Variants in CCNJL observed in about 807,000 individuals in gnomAD.
The protein encoded by CCNJL is cyclin J like.
Under a neutral mutation model 33.4 loss-of-function variants are expected in CCNJL, and 33 were observed. That is an observed-to-expected ratio of 0.99 (90% confidence interval 0.75 to 1.32). CCNJL has a LOEUF of 1.32. Among genes scored for constraint, CCNJL ranks in the 40% most tolerant of loss-of-function variants. The pLI, the probability that CCNJL is intolerant of heterozygous loss-of-function variation, is 0.00. For missense variants in CCNJL, 512 were observed against 499.7 expected, an observed-to-expected ratio of 1.02 and a Z score of -0.23; for synonymous variants, 227 against 220.9, an observed-to-expected ratio of 1.03 and a Z score of -0.24.
At position 160,259,767 on chromosome 5, in the gene CCNJL, C is replaced by G. The variant is rs1205538794; in HGVS notation, c.285G>C (p.Lys95Asn). ...VAVSCLLLAS[K>N]FEDREDHVPK... ...GGACGTGGTCTTCCCGATCCTCGAACTTACCTGTCGGGGAGCAGGGGAAGC... is the reference window on the plus strand; with the variant it reads ...GGACGTGGTCTTCCCGATCCTCGAAGTTACCTGTCGGGGAGCAGGGGAAGC... The change falls in exon 4 of 6, where the codon AAG becomes AAC. Residue 95 changes from lysine to asparagine, a missense_variant. Lys to Asn is a moderately conservative substitution (Grantham distance 94, BLOSUM62 0). Transcript: ENST00000257536. 1.9e-6 allele frequency: 3 copies of G among 1,604,360 alleles called. No homozygotes were observed. The highest frequency in any genetic ancestry group is 1.7e-5 in the Admixed American group (1 of 59,574).
At chr5:160,304,822 C>CTTTT (rs10658968) in intron 2 of CCNJL, among the ~76,000 whole-genome samples, 66,787 of 145,894 alleles carry the variant, frequency 0.46, 15,793 homozygotes, top group African/African-American at 0.6. Context: ...TACTTTCTTT[C>CTTTT]TTTTTTTTTT....
At chr5:160,315,770 A>T (rs1034692857), upstream of CCNJL, among the ~76,000 whole-genome samples, 1 of 152,228 alleles carries the variant, frequency 6.6e-6, no homozygotes, top group African/African-American at 2.4e-5. Flanking sequence ...TTACTTTAAA[A>T]TAATCACATG....
At chr5:160,310,804 T>C (rs1403031375) in intron 2 of CCNJL, among the ~76,000 whole-genome samples, 5 of 152,132 alleles carry the variant, frequency 3.3e-5, no homozygotes, top group Non-Finnish European at 7.4e-5. Flanking sequence ...ACTGGAATGA[T>C]GTACCTACAA....
chr5:160,315,904 A>G (rs1219766434), upstream of CCNJL, among the ~76,000 whole-genome samples: 4 of 152,192 alleles, frequency 2.6e-5, no homozygotes, highest in Admixed American at 6.5e-5. Context: ...ACATTGAAAG[A>G]AGACAGGCCT....
intron 3 of CCNJL, among the ~76,000 whole-genome samples, chr5:160,275,614 A>G (rs2113327213): frequency 6.6e-6 from 1 of 152,246 alleles, no homozygotes; most frequent in Middle Eastern, 3.4e-3. Flanking sequence ...CCTCCCAAGT[A>G]GCGGGGACTA....
At chr5:160,266,504 C>G (rs986423310) in intron 3 of CCNJL, among the ~76,000 whole-genome samples, 1 of 152,156 alleles carries the variant, frequency 6.6e-6, no homozygotes, top group African/African-American at 2.4e-5. Flanking sequence ...TGTCCTGGAG[C>G]AGGGGCAGGG....
Position 160,253,273 on chromosome 5 carries a change from CTT to C in CCNJL, c.*103_*104del, listed in dbSNP as rs1467708592. 8.6e-7 allele frequency: 1 copy of C among 1,162,526 alleles called. No individual in the cohort carries two copies. The highest frequency in any genetic ancestry group is 1.5e-5 in the African/African-American group (1 of 64,924). The allele number at this position is 1,162,526 out of a possible 1,614,324, so 72.0% of individuals were successfully genotyped here. On this transcript the variant is annotated 3_prime_UTR_variant, in exon 6 of 6. Coordinates refer to ENST00000257536, the MANE Select transcript of CCNJL (RefSeq NM_001308173.3). ...CACAGACCCTCCACGTTCCAAGGCT[CTT>C]CAGGGATGGCCTCCTGCTGCCTCAC...
rs777446144 is a variant in CCNJL at position 160,280,588 on chromosome 5, G to A, written c.217C>T (p.Arg73Cys). 3.1e-6 allele frequency: 5 copies of A among 1,612,972 alleles called. No homozygotes were observed. The highest frequency in any genetic ancestry group is 1.7e-5 in the Admixed American group (1 of 59,968). The change falls in exon 3 of 6, where the codon CGC (arginine) becomes TGC (cysteine). Residue 73 changes from arginine to cysteine, a missense_variant. Physicochemically the swap from Arg to Cys is radical, Grantham distance 180. Transcript: ENST00000257536. ...AVYLLDHFMD[R>C]YNVTTSKQLY... is the part of the protein sequence containing the mutation. ...TGCTTGGAGGTGGTGACGTTGTAGC[G>A]ATCCATGAAGTGGTCCAGCAGGTAG...
intron 3 of CCNJL, among the ~76,000 whole-genome samples, chr5:160,271,144 G>C (rs1761820383): frequency 6.6e-6 from 1 of 152,158 alleles, no homozygotes; most frequent in Non-Finnish European, 1.5e-5. Context: ...AGCACCAAGG[G>C]ATAGAATAGG....
intron 1 of CCNJL, chr5:160,327,048 T>C (rs757220920): frequency 3.0e-5 from 12 of 396,050 alleles, no homozygotes; most frequent in Non-Finnish European, 4.4e-5. Flanking sequence ...AATATGAACA[T>C]TTATTCGTAT....
At chr5:160,263,689 C>T (rs1043577034) in intron 3 of CCNJL, among the ~76,000 whole-genome samples, 6 of 152,126 alleles carry the variant, frequency 3.9e-5, no homozygotes, top group South Asian at 2.1e-4. Flanking sequence ...GGTGGTGACA[C>T]GAGACTGCTC....
At chr5:160,270,869 G>A (rs191442656) in intron 3 of CCNJL, among the ~76,000 whole-genome samples, 389 of 152,280 alleles carry the variant, frequency 2.6e-3, no homozygotes, top group Middle Eastern at 0.017. Flanking sequence ...GAACATTCCA[G>A]AACGTAGGTC....
intron 1 of CCNJL, among the ~76,000 whole-genome samples, chr5:160,318,409 T>A (rs1027852119): frequency 6.6e-6 from 1 of 152,226 alleles, no homozygotes; most frequent in African/African-American, 2.4e-5. Context: ...GCAATGAACC[T>A]ATTTCCTAAT....
In CCNJL at chr5:160,259,756, C is replaced by A; in HGVS notation, c.296G>T (p.Arg99Leu). 1 of 1,608,436 alleles carries A rather than the reference C, an allele frequency of 6.2e-7. No individual in the cohort carries two copies. Among genetic ancestry groups the A allele is most frequent in the Non-Finnish European group, 8.5e-7 (1 of 1,176,366 alleles). ...CTCCAACTTGGGGACGTGGTCTTCC[C>A]GATCCTCGAACTTACCTGTCGGGGA... ...CLLLASKFED[R>L]EDHVPKLEQI... Residue 99 changes from arginine (R) to leucine (L), a missense_variant, in exon 4 of 6, where the codon CGG (arginine) becomes CTG (leucine). By Grantham distance (102) the Arg-to-Leu change is moderately radical. Transcript: ENST00000257536.
At chr5:160,264,042 T>A (rs1419562354) in intron 3 of CCNJL, among the ~76,000 whole-genome samples, 2 of 151,130 alleles carry the variant, frequency 1.3e-5, no homozygotes. Flanking sequence ...ACTTCCTGGG[T>A]TCAGGTGGCC....
intron 2 of CCNJL, among the ~76,000 whole-genome samples, chr5:160,302,676 A>G (rs569813818): frequency 4.6e-5 from 7 of 152,120 alleles, no homozygotes; most frequent in African/African-American, 1.7e-4. Context: ...GCTGGGCGTC[A>G]TGGCACATGC....
intron 1 of CCNJL, among the ~76,000 whole-genome samples, chr5:160,317,967 C>T (rs923056835): frequency 1.5e-4 from 23 of 152,068 alleles, no homozygotes; most frequent in Admixed American, 1.4e-3. Flanking sequence ...CCTGTGTCTT[C>T]ACACGGGCTT....
At chr5:160,339,557 A>G (rs1763725428) in exon 1 of CCNJL, 3 of 446,342 alleles carry the variant, frequency 6.7e-6, no homozygotes, top group Non-Finnish European at 1.4e-5. Context: ...TCAGTTATCC[A>G]TTAGTGCTGA....
chr5:160,336,322 G>A (rs770168751), intron 1 of CCNJL, among the ~76,000 whole-genome samples: 1 of 152,186 alleles, frequency 6.6e-6, no homozygotes, highest in Non-Finnish European at 1.5e-5. Context: ...CTCTAAGAGG[G>A]TCCCTAAGTC....
Sources: gnomAD v4.1 joint callset for allele counts (sites outside exome capture counted in the v4.1 genomes callset) on GRCh38, gnomAD v4.1.1 for gene constraint, MANE v1.5 for transcripts, NCBI Gene and HGNC (gene_info 2026-07-23, HGNC 2026-07-21) for gene names.